The following TACR3 variants were observed in gnomAD, a reference collection of about 807,000 sequenced individuals.
TACR3 encodes neuromedin-K receptor.
Under a neutral mutation model 35.0 loss-of-function variants are expected in TACR3, and 34 were observed. The observed-to-expected ratio is 0.97, with a 90% CI of 0.74 to 1.30. The LOEUF (loss-of-function observed/expected upper bound fraction) is 1.30, where lower values mean the gene tolerates loss of function less well. TACR3 is among the 50% of genes most tolerant of loss of function. TACR3 has a pLI of 0.00. For synonymous variants in TACR3, 233 were observed against 221.1 expected (o/e 1.05, Z -0.48); for missense variants, 558 against 591.7 (o/e 0.94, Z 0.59).
chr4:103,690,596 G>C (rs1221214190), intron 1 of TACR3, among the ~76,000 whole-genome samples: 1 of 152,114 alleles, frequency 6.6e-6, no homozygotes, highest in African/African-American at 2.4e-5. Flanking sequence ...AAATCAGCAA[G>C]AGTGTAAGAG....
chr4:103,601,281 C>G (rs545887147), intron 3 of TACR3, among the ~76,000 whole-genome samples: 1 of 152,110 alleles, frequency 6.6e-6, no homozygotes, highest in Admixed American at 6.5e-5. Flanking sequence ...CTATGTGTGT[C>G]TCTGCATGTG....
intron 3 of TACR3, among the ~76,000 whole-genome samples, chr4:103,608,179 T>C (rs368748467): frequency 6.6e-6 from 1 of 151,930 alleles, no homozygotes; most frequent in Non-Finnish European, 1.5e-5. Context: ...CGATAATAGA[T>C]TGGATAAAGA....
chr4:103,719,145 C>T lies in TACR3; in HGVS notation c.531G>A (p.Thr177=), dbSNP rs1195188204. Residue 177 remains threonine, a synonymous_variant, in exon 1 of 5, where the codon ACG becomes ACA. Coordinates refer to ENST00000304883, the MANE Select transcript of TACR3 (RefSeq NM_001059.3). The part of the protein sequence containing the change: ...TAVFASIYSM[T]AIAVDRYMAI... ...CTCCTCACCTGTCCACCGCAATGGC[C>T]GTCATGGAGTAGATGCTGGCGAACA... The T allele has an allele frequency of 1.2e-6, 2 of 1,614,168 alleles. No homozygotes were observed. The highest frequency in any genetic ancestry group is 1.7e-5 in the Admixed American group (1 of 60,020).
chr4:103,620,682 A>G (rs1188132090), intron 3 of TACR3, among the ~76,000 whole-genome samples: 2 of 152,150 alleles, frequency 1.3e-5, no homozygotes, highest in African/African-American at 4.8e-5. Context: ...GCATATAAGT[A>G]GGAGCTAAAC....
At chr4:103,600,143 G>T (rs1252270157) in intron 3 of TACR3, among the ~76,000 whole-genome samples, 1 of 152,062 alleles carries the variant, frequency 6.6e-6, no homozygotes, top group African/African-American at 2.4e-5. Context: ...GCCTGTTATT[G>T]GTCTATTCAG....
At chr4:103,627,428 G>A (rs1304323143) in intron 3 of TACR3, among the ~76,000 whole-genome samples, 1 of 150,980 alleles carries the variant, frequency 6.6e-6, no homozygotes, top group Non-Finnish European at 1.5e-5. Flanking sequence ...GAAGGCTGAG[G>A]CATGAGAATC....
At chr4:103,717,507 T>A (rs1723115182) in intron 1 of TACR3, among the ~76,000 whole-genome samples, 1 of 152,138 alleles carries the variant, frequency 6.6e-6, no homozygotes, top group Non-Finnish European at 1.5e-5. Context: ...AGGAAGAAAT[T>A]GGAAAGAGAA....
chr4:103,714,095 C>CT lies in TACR3; in HGVS notation c.548+5032dup, dbSNP rs201430224. Among the ~76,000 whole-genome samples the CT allele has an allele frequency of 2.2e-3, 338 of 151,782 alleles. 2 individuals carry two copies. The highest frequency in any genetic ancestry group is 7.5e-3 in the African/African-American group (309 of 41,414). ...ACTTTCATGCTTGTTAGACATTTTT[C>CT]TTTTTTTTGGATTTTGTTTATGTCT... On this transcript the variant is annotated intron_variant, in intron 1 of 4. Transcript: ENST00000304883.
chr4:103,638,471 T>C (rs994588794), intron 3 of TACR3, among the ~76,000 whole-genome samples: 7 of 151,910 alleles, frequency 4.6e-5, no homozygotes, highest in Non-Finnish European at 8.8e-5. Context: ...ATGTTCGACC[T>C]AAAACCATAA....
chr4:103,597,659 G>A (rs1456764722), intron 3 of TACR3, among the ~76,000 whole-genome samples: 1 of 147,718 alleles, frequency 6.8e-6, no homozygotes, highest in Non-Finnish European at 1.5e-5. Context: ...CTGTGTCCAT[G>A]TGTTCTCATT....
chr4:103,719,684 G>A lies in TACR3; in HGVS notation c.-9C>T. ...GCTGGGAGAGTGGCCATCGCCACCG[G>A]TCTGCAGTCCCGGACCCTCCCACTC... is the stretch of plus-strand genomic sequence containing the variant. On this transcript the variant is annotated 5_prime_UTR_variant, in exon 1 of 5. Coordinates refer to ENST00000304883, the MANE Select transcript of TACR3 (RefSeq NM_001059.3). 6.2e-7 allele frequency: 1 copy of A among 1,607,346 alleles called. No individual in the cohort carries two copies. Among genetic ancestry groups the A allele is most frequent in the Non-Finnish European group, 8.5e-7 (1 of 1,179,982 alleles).
intron 4 of TACR3, 82 bp downstream of exon 4, chr4:103,591,405 A>G: frequency 3.2e-6 from 5 of 1,547,874 alleles, no homozygotes; most frequent in Admixed American, 3.4e-5. Context: ...TTGAATTTGA[A>G]CCAAGAAAAT....
At chr4:103,658,052 C>A (rs1292891131) in intron 2 of TACR3, among the ~76,000 whole-genome samples, 163 bp downstream of exon 2, 2 of 152,204 alleles carry the variant, frequency 1.3e-5, no homozygotes, top group African/African-American at 2.4e-5. Flanking sequence ...TTATTGACCA[C>A]ACACAAATCA....
chr4:103,656,426 T>C lies in TACR3; in HGVS notation c.738-82A>G, dbSNP rs17033945. On this transcript the variant is annotated intron_variant, in intron 2 of 4. Transcript: ENST00000304883. ...ACTGAATTGGCTCAGCTTTAAATCA[T>C]AATTAAAACTACCAAGAGTTATTTC... The C allele has an allele frequency of 7.1e-3, 9,230 of 1,306,942 alleles. 40 individuals carry two copies. Among genetic ancestry groups the C allele is most frequent in the Non-Finnish European group, 8.7e-3 (7,931 of 915,426 alleles). The allele number at this position is 1,306,942 out of a possible 1,614,324, so 81.0% of individuals were successfully genotyped here.
At chr4:103,668,892 T>C (rs1725994452) in intron 1 of TACR3, among the ~76,000 whole-genome samples, 3 of 151,952 alleles carry the variant, frequency 2.0e-5, no homozygotes, top group Non-Finnish European at 4.4e-5. Flanking sequence ...GTATATGTGA[T>C]ATTTTGATAA....
At chr4:103,678,533 A>T (rs1201470118) in intron 1 of TACR3, among the ~76,000 whole-genome samples, 1 of 152,124 alleles carries the variant, frequency 6.6e-6, no homozygotes, top group Non-Finnish European at 1.5e-5. Context: ...AGCACAAACT[A>T]TTAAGTTACT....
At chr4:103,683,059 G>A (rs1172282747) in intron 1 of TACR3, among the ~76,000 whole-genome samples, 1 of 152,078 alleles carries the variant, frequency 6.6e-6, no homozygotes, top group East Asian at 1.9e-4. Context: ...AGGTAATGAA[G>A]ATGAGGAGGC....
intron 1 of TACR3, among the ~76,000 whole-genome samples, chr4:103,704,541 T>G (rs1578265332): frequency 6.6e-6 from 1 of 152,220 alleles, no homozygotes; most frequent in Non-Finnish European, 1.5e-5. Flanking sequence ...TGGTGGCAGG[T>G]GAGACAGAGC....
At chr4:103,708,590 T>G in intron 1 of TACR3, among the ~76,000 whole-genome samples, 1 of 152,078 alleles carries the variant, frequency 6.6e-6, no homozygotes. Flanking sequence ...ATTCCAAAAA[T>G]CGGAGCACCT....
Sources: gnomAD v4.1 joint callset for allele counts (sites outside exome capture counted in the v4.1 genomes callset) on GRCh38, gnomAD v4.1.1 for gene constraint, MANE v1.5 for transcripts, NCBI Gene and HGNC (gene_info 2026-07-23, HGNC 2026-07-21) for gene names.